Variants in CAB39L observed in about 807,000 individuals in gnomAD.
CAB39L encodes the protein calcium binding protein 39 like.
Under a neutral mutation model 39.1 loss-of-function variants are expected in CAB39L, and 23 were observed. The observed-to-expected ratio is 0.59, with a 90% CI of 0.42 to 0.83. The LOEUF (loss-of-function observed/expected upper bound fraction) is 0.83, where lower values mean the gene tolerates loss of function less well. CAB39L is among the 40% of genes least tolerant of loss of function. The pLI is 0.00. For missense variants in CAB39L, 366 were observed against 391.9 expected (o/e 0.93, Z 0.56); for synonymous variants, 126 against 137.2 (o/e 0.92, Z 0.57).
At chr13:49,396,211 G>A (rs1230541117) in intron 3 of CAB39L, among the ~76,000 whole-genome samples, 1 of 151,950 alleles carries the variant, frequency 6.6e-6, no homozygotes. Flanking sequence ...CATTTCCAGA[G>A]GTATAACCAA....
intron 7 of CAB39L, among the ~76,000 whole-genome samples, chr13:49,349,532 G>A (rs1006859846): frequency 2.0e-5 from 3 of 150,248 alleles, no homozygotes; most frequent in Non-Finnish European, 4.4e-5. Context: ...TTTTTTCAAT[G>A]ATGCTGTTAC....
At chr13:49,330,507 C>G (rs1954661109) in intron 10 of CAB39L, among the ~76,000 whole-genome samples, 1 of 151,982 alleles carries the variant, frequency 6.6e-6, no homozygotes. Context: ...TGTCTATAGT[C>G]CCAGCTACTT....
chr13:49,338,755 T>G (rs888073151), intron 9 of CAB39L, among the ~76,000 whole-genome samples: 3 of 152,164 alleles, frequency 2.0e-5, no homozygotes, highest in Admixed American at 2.0e-4. Context: ...TTAAAAAACA[T>G]TTCTCTTCTA....
At chr13:49,431,722 A>G (rs1308623192) in intron 3 of CAB39L, among the ~76,000 whole-genome samples, 2 of 152,074 alleles carry the variant, frequency 1.3e-5, no homozygotes, top group Non-Finnish European at 2.9e-5. Flanking sequence ...AAAATAAAAA[A>G]CAAAAAATAA....
At chr13:49,390,128 C>A (rs1956455926) in intron 3 of CAB39L, among the ~76,000 whole-genome samples, 1 of 152,144 alleles carries the variant, frequency 6.6e-6, no homozygotes, top group African/African-American at 2.4e-5. Context: ...TTTAAATGAT[C>A]CTCTCACCTT....
chr13:49,439,608 A>G (rs1361803401), intron 1 of CAB39L, among the ~76,000 whole-genome samples: 2 of 152,200 alleles, frequency 1.3e-5, no homozygotes, highest in Non-Finnish European at 2.9e-5. Flanking sequence ...TACACCCAAT[A>G]ATGGGATTGC....
At position 49,431,141 on chromosome 13, in the gene CAB39L, C is replaced by T. The variant is rs185188253; in HGVS notation, c.-32+2177G>A. 2.8e-3 allele frequency among the ~76,000 whole-genome samples: 421 copies of T among 152,348 alleles called. 1 individual carries two copies. The highest frequency in any genetic ancestry group is 2.9e-3 in the Admixed American group (45 of 15,300). ...AGTGAACCTCCTAAATCTTTCCTGTCCCTTTGAATTCCTTTCCTCCCTTTC... is the reference window on the plus strand; with the variant it reads ...AGTGAACCTCCTAAATCTTTCCTGTTCCTTTGAATTCCTTTCCTCCCTTTC... On this transcript the variant is annotated intron_variant, in intron 3 of 10. Transcript: ENST00000409308.
chr13:49,393,703 T>G (rs1315011110), intron 3 of CAB39L, among the ~76,000 whole-genome samples: 1 of 151,992 alleles, frequency 6.6e-6, no homozygotes, highest in African/African-American at 2.4e-5. Flanking sequence ...AAACACTCTA[T>G]TTTGTTCTTG....
At position 49,382,835 on chromosome 13, in the gene CAB39L, C is replaced by G; in HGVS notation, c.76G>C (p.Ala26Pro). 1 of 1,611,406 alleles carries G rather than the reference C, an allele frequency of 6.2e-7. No homozygotes were observed. The highest frequency in any genetic ancestry group is 1.3e-5 in the African/African-American group (1 of 74,936). The change falls in exon 4 of 11, where the codon GCC (alanine) becomes CCC (proline). Residue 26 changes from alanine to proline, a missense_variant. Physicochemically the swap from Ala to Pro is conservative, Grantham distance 27. Coordinates refer to ENST00000409308, the MANE Select transcript of CAB39L (RefSeq NM_001079670.3). ...EIVKILKDNL[A>P]ILEKQDKKTD... Reference sequence around the variant, plus strand: ...TTTTTGTCTTGCTTTTCCAAAATGGCCAAATTGTCTTTCAGGATTTTCACA... The same window carrying G: ...TTTTTGTCTTGCTTTTCCAAAATGGGCAAATTGTCTTTCAGGATTTTCACA...
At chr13:49,335,596 A>G (rs1182263991) in intron 9 of CAB39L, among the ~76,000 whole-genome samples, 1 of 152,230 alleles carries the variant, frequency 6.6e-6, no homozygotes. Flanking sequence ...GCCTCATAGT[A>G]CATAGTTAAG....
chr13:49,332,472 C>G (rs955302835), intron 9 of CAB39L, among the ~76,000 whole-genome samples: 8 of 152,178 alleles, frequency 5.3e-5, no homozygotes, highest in Admixed American at 5.2e-4. Context: ...ACCTTCTTTA[C>G]CTGCATAAAT....
chr13:49,362,727 A>G (rs1403631423), intron 5 of CAB39L, among the ~76,000 whole-genome samples: 2 of 152,164 alleles, frequency 1.3e-5, no homozygotes, highest in African/African-American at 2.4e-5. Context: ...AGAGAAAGAT[A>G]TGAATATTCA....
At chr13:49,443,852 G>A in intron 1 of CAB39L, 134 bp downstream of exon 1, 2 of 438,186 alleles carry the variant, frequency 4.6e-6, no homozygotes, top group South Asian at 1.6e-5. Flanking sequence ...AAGGCGCTGG[G>A]TCTCCTCCCT....
intron 5 of CAB39L, among the ~76,000 whole-genome samples, chr13:49,363,159 A>C (rs1955678933): frequency 6.6e-6 from 1 of 152,216 alleles, no homozygotes; most frequent in South Asian, 2.1e-4. Flanking sequence ...TTAAGGTATA[A>C]AATCCACTGG....
At chr13:49,382,634 A>G (rs1956272766) in intron 4 of CAB39L, 166 bp downstream of exon 4, 1 of 553,622 alleles carries the variant, frequency 1.8e-6, no homozygotes, top group African/African-American at 1.9e-5. Flanking sequence ...ACAACAGACT[A>G]AATAATAATC....
At chr13:49,326,210 C>T (rs1954492766) in intron 10 of CAB39L, among the ~76,000 whole-genome samples, 1 of 152,226 alleles carries the variant, frequency 6.6e-6, no homozygotes, top group African/African-American at 2.4e-5. Flanking sequence ...AGAAGATCAT[C>T]TCATAATGTA....
intron 9 of CAB39L, among the ~76,000 whole-genome samples, chr13:49,332,896 T>A (rs1050808023): frequency 6.6e-6 from 1 of 151,834 alleles, no homozygotes; most frequent in African/African-American, 2.4e-5. Context: ...ATATAGAAGA[T>A]ATGTTTAGTT....
chr13:49,373,672 A>G (rs1955983543), intron 5 of CAB39L, among the ~76,000 whole-genome samples: 2 of 152,216 alleles, frequency 1.3e-5, no homozygotes, highest in African/African-American at 4.8e-5. Flanking sequence ...CTGCTTTGAT[A>G]TCTCATTCTC....
intron 5 of CAB39L, among the ~76,000 whole-genome samples, chr13:49,375,989 G>GC (rs1956050595): frequency 6.6e-6 from 1 of 152,114 alleles, no homozygotes; most frequent in South Asian, 2.1e-4. Context: ...TCCTGGCTCT[G>GC]CACTCCTCCT....
Sources: gnomAD v4.1 joint callset for allele counts (sites outside exome capture counted in the v4.1 genomes callset) on GRCh38, gnomAD v4.1.1 for gene constraint, MANE v1.5 for transcripts, NCBI Gene and HGNC (gene_info 2026-07-23, HGNC 2026-07-21) for gene names.